CDH18: variants seen among roughly 807,000 people sequenced by gnomAD.
CDH18 encodes cadherin 18.
CDH18 carries 31 observed loss-of-function variants against 67.9 expected under a neutral mutation model. The observed-to-expected ratio is 0.46, with a 90% CI of 0.34 to 0.62. The LOEUF (loss-of-function observed/expected upper bound fraction) is 0.62. Ranked by LOEUF, CDH18 falls within the 20% of genes least tolerant of loss-of-function variation. The pLI, the probability that CDH18 is intolerant of heterozygous loss-of-function variation, is 0.01. For synonymous variants in CDH18, 362 were observed against 347.2 expected (o/e 1.04, Z -0.48); for missense variants, 890 against 975.5 (o/e 0.91, Z 1.17).
intron 1 of CDH18, among the ~76,000 whole-genome samples, chr5:20,487,753 G>T (rs1753292158): frequency 2.0e-5 from 1 of 49,452 alleles, no homozygotes; most frequent in South Asian, 1.3e-3. Context: ...ACAATAAATA[G>T]CATGCATATA....
intron 11 of CDH18, among the ~76,000 whole-genome samples, chr5:19,489,971 T>C (rs149632226): frequency 1.4e-3 from 212 of 152,118 alleles, no homozygotes; most frequent in Admixed American, 3.0e-3. Flanking sequence ...GAAGTAGAGA[T>C]AAGAACAGCT....
At chr5:20,047,881 T>C (rs1297834946) in intron 2 of CDH18, among the ~76,000 whole-genome samples, 1 of 151,842 alleles carries the variant, frequency 6.6e-6, no homozygotes, top group African/African-American at 2.4e-5. Flanking sequence ...AATCATCAAA[T>C]GCAGGTTAGG....
chr5:20,332,415 C>A (rs1365980927), intron 1 of CDH18, among the ~76,000 whole-genome samples: 1 of 152,138 alleles, frequency 6.6e-6, no homozygotes, highest in Non-Finnish European at 1.5e-5. Context: ...CATATAAAAT[C>A]ATTCTTGTAA....
Position 20,443,072 on chromosome 5 carries a change from T to C in CDH18, c.-580+132390A>G, listed in dbSNP as rs570704360. On this transcript the variant is annotated intron_variant, in intron 1 of 14. Coordinates refer to the CDH18 transcript ENST00000507958. ...AAAATACAAAAAAATTAGCCGGGCG[T>C]AGTGGCGGGCGCCTGTAGTCCCAGC... Among the ~76,000 whole-genome samples the C allele has an allele frequency of 4.1e-4, 61 of 148,280 alleles. No homozygotes were observed. In the East Asian group the frequency reaches 0.011, roughly 27 times the overall value.
intron 1 of CDH18, among the ~76,000 whole-genome samples, chr5:20,481,207 CA>C (rs541111689): frequency 0.024 from 3,095 of 128,558 alleles, 53 homozygotes; most frequent in African/African-American, 0.053. Flanking sequence ...CTTTTTAAGC[CA>C]AAAAAAAAAA....
intron 1 of CDH18, among the ~76,000 whole-genome samples, chr5:20,351,191 T>TGTGC (rs1420969028): frequency 2.9e-4 from 43 of 148,760 alleles, no homozygotes; most frequent in Middle Eastern, 3.4e-3. Flanking sequence ...TGTGTGTGTG[T>TGTGC]GCGTGTGTGT....
chr5:19,896,284 G>A (rs987357232), intron 2 of CDH18, among the ~76,000 whole-genome samples: 1 of 152,100 alleles, frequency 6.6e-6, no homozygotes, highest in Non-Finnish European at 1.5e-5. Context: ...AAGAAGCGGA[G>A]GTTGCAGTGA....
rs1351806444 is a variant in CDH18, at chr5:20,132,829, C to T, written c.-518+122615G>A. 3.3e-5 allele frequency among the ~76,000 whole-genome samples: 5 copies of T among 152,148 alleles called. No homozygotes were observed. In the East Asian group the frequency reaches 7.7e-4, roughly 23 times the overall value. ...AAAAGTCATCAGGTTATTATCATTG[C>T]TTTAAGCAAATTATTAAGTTTTATA... On this transcript the variant is annotated intron_variant, in intron 2 of 14. Transcript: ENST00000507958.
chr5:20,170,574 G>A (rs1257766456), intron 2 of CDH18, among the ~76,000 whole-genome samples: 4 of 151,934 alleles, frequency 2.6e-5, no homozygotes, highest in African/African-American at 9.7e-5. Context: ...TATAAAACAT[G>A]CAATTCCAAT....
At chr5:19,945,207 C>T (rs967847196) in intron 2 of CDH18, among the ~76,000 whole-genome samples, 1 of 152,108 alleles carries the variant, frequency 6.6e-6, no homozygotes, top group Non-Finnish European at 1.5e-5. Flanking sequence ...TTCCTACATG[C>T]TCCCTTCCAC....
At chr5:19,631,837 A>G (rs1000496500) in intron 5 of CDH18, among the ~76,000 whole-genome samples, 1 of 152,106 alleles carries the variant, frequency 6.6e-6, no homozygotes, top group African/African-American at 2.4e-5. Flanking sequence ...TTTACTTGGC[A>G]ATTCCACTTT....
At chr5:20,213,056 C>T (rs1229452879) in intron 2 of CDH18, among the ~76,000 whole-genome samples, 1 of 152,076 alleles carries the variant, frequency 6.6e-6, no homozygotes, top group Non-Finnish European at 1.5e-5. Flanking sequence ...ATGTGTGTTT[C>T]AACATGTGTG....
intron 5 of CDH18, among the ~76,000 whole-genome samples, chr5:19,664,295 T>A (rs1165108276): frequency 6.6e-6 from 1 of 151,764 alleles, no homozygotes; most frequent in Non-Finnish European, 1.5e-5. Context: ...AAAATTAATG[T>A]GAAACTCAAG....
At chr5:19,608,955 T>C (rs931887983) in intron 6 of CDH18, among the ~76,000 whole-genome samples, 6 of 151,878 alleles carry the variant, frequency 4.0e-5, no homozygotes, top group Admixed American at 6.6e-5. Flanking sequence ...ATTTAGGATA[T>C]AGAAGGTTTG....
intron 2 of CDH18, among the ~76,000 whole-genome samples, chr5:20,032,019 C>G (rs552784373): frequency 6.6e-6 from 1 of 151,982 alleles, no homozygotes; most frequent in South Asian, 2.1e-4. Flanking sequence ...ACTGACCTAC[C>G]AATCCACACA....
intron 5 of CDH18, among the ~76,000 whole-genome samples, chr5:19,675,786 T>C (rs562883200): frequency 1.9e-4 from 29 of 152,156 alleles, no homozygotes; most frequent in Admixed American, 5.2e-4. Flanking sequence ...AGAGTATTGA[T>C]TGGGGAAGTG....
chr5:19,634,861 C>T (rs773299836), intron 5 of CDH18, among the ~76,000 whole-genome samples: 9 of 151,086 alleles, frequency 6.0e-5, no homozygotes, highest in African/African-American at 2.0e-4. Context: ...TGCTTGAACC[C>T]GGGAGGCGGA....
intron 2 of CDH18, among the ~76,000 whole-genome samples, chr5:20,239,632 G>A (rs1489182957): frequency 2.0e-5 from 3 of 152,038 alleles, no homozygotes; most frequent in Admixed American, 6.5e-5. Flanking sequence ...ATGACTTCAT[G>A]TCTATATTTA....
chr5:20,195,210 C>A (rs185661470), intron 2 of CDH18, among the ~76,000 whole-genome samples: 83 of 151,990 alleles, frequency 5.5e-4, no homozygotes, highest in East Asian at 2.1e-3. Flanking sequence ...TTCAGTGAAC[C>A]AAGAAATTTA....
Sources: gnomAD v4.1 joint callset for allele counts (sites outside exome capture counted in the v4.1 genomes callset) on GRCh38, gnomAD v4.1.1 for gene constraint, MANE v1.5 for transcripts, NCBI Gene and HGNC (gene_info 2026-07-23, HGNC 2026-07-21) for gene names.